Variants in CCNE1 observed in about 807,000 individuals in gnomAD.
The protein encoded by CCNE1 is G1/S-specific cyclin-E1.
In CCNE1, 8 loss-of-function variants were observed where a neutral mutation model predicts 54.1. The observed-to-expected ratio is 0.15, with a 90% CI of 0.09 to 0.27. The LOEUF (loss-of-function observed/expected upper bound fraction) is 0.27, where lower values mean the gene tolerates loss of function less well. Ranked by LOEUF, CCNE1 falls within the 10% of genes least tolerant of loss-of-function variation. The pLI is 1.00. For missense variants in CCNE1, 430 were observed against 514.9 expected, an observed-to-expected ratio of 0.84 and a Z score of 1.60; for synonymous variants, 179 against 185.2, an observed-to-expected ratio of 0.97 and a Z score of 0.27.
rs761454024 is a variant in CCNE1, at chr19:29,817,178, G to A, written c.222G>A (p.Leu74=). 5 of 1,614,072 alleles carry A rather than the reference G, an allele frequency of 3.1e-6. No individual in the cohort carries two copies. The East Asian group carries it at 8.9e-5, about 29-fold the overall frequency. Residue 74 remains leucine (L), a synonymous_variant, in exon 5 of 12, where the codon CTG becomes CTA. Coordinates refer to ENST00000262643, the MANE Select transcript of CCNE1 (RefSeq NM_001238.4). ...NNAVCADPCS[L]IPTPDKEDDD... The stretch of plus-strand genomic sequence containing the variant: ...CAGTCTGTGCAGACCCCTGCTCCCT[G>A]ATCCCCACACCTGACAAAGAAGATG...
intron 5 of CCNE1, 36 bp from the exon 6 acceptor site, chr19:29,817,370 T>C: frequency 6.2e-7 from 1 of 1,613,786 alleles, no homozygotes; most frequent in Non-Finnish European, 8.5e-7. Flanking sequence ...TCTTACCCCT[T>C]TGTGGGCCTC....
intron 3 of CCNE1, 70 bp downstream of exon 3, chr19:29,812,846 T>G: frequency 6.3e-7 from 1 of 1,582,286 alleles, no homozygotes; most frequent in Non-Finnish European, 8.6e-7. Context: ...TGGCTCTGCC[T>G]ACGGGGGCGG....
At chr19:29,822,900 C>T (rs775372998) in intron 11 of CCNE1, among the ~76,000 whole-genome samples, 11 of 151,530 alleles carry the variant, frequency 7.3e-5, no homozygotes, top group Non-Finnish European at 1.6e-4. Context: ...GTTGAGATCA[C>T]GCCACTGCAC....
intron 11 of CCNE1, among the ~76,000 whole-genome samples, chr19:29,822,988 G>C (rs1382683338): frequency 2.0e-5 from 3 of 151,620 alleles, no homozygotes; most frequent in Non-Finnish European, 4.4e-5. Context: ...TTTTCTTCAG[G>C]CAGGCCCCAA....
rs2145729236 is a variant in CCNE1 at position 29,822,275 on chromosome 19, T to C, written c.876T>C (p.Leu292=). The C allele has an allele frequency of 6.2e-7, 1 of 1,614,134 alleles. No individual in the cohort carries two copies. Among genetic ancestry groups the C allele is most frequent in the Non-Finnish European group, 8.5e-7 (1 of 1,180,018 alleles). The change falls in exon 10 of 12, where the codon CTT becomes CTC. Residue 292 remains leucine, a synonymous_variant. Coordinates refer to ENST00000262643, the MANE Select transcript of CCNE1 (RefSeq NM_001238.4). ...TCTGTGTCCTGGATGTTGACTGCCT[T>C]GAATTTCCTTATGGTATACTTGCTG... ...LDLCVLDVDC[L]EFPYGILAAS...
In CCNE1 at chr19:29,818,924, G is replaced by A. The variant is rs985008232; in HGVS notation, c.462+1383G>A. 4.6e-5 allele frequency among the ~76,000 whole-genome samples: 7 copies of A among 152,154 alleles called. No individual in the cohort carries two copies. In the East Asian group the frequency reaches 9.7e-4, roughly 21 times the overall value. On this transcript the variant is annotated intron_variant, in intron 6 of 11. Transcript: ENST00000262643. ...ATTACAGGCATACGCCACCACGCCC[G>A]GCTAATTTTGTATTTTTAGTAGAGA...
chr19:29,812,856 G>A (rs1973927241), intron 3 of CCNE1, 80 bp downstream of exon 3: 1 of 1,582,068 alleles, frequency 6.3e-7, no homozygotes. Flanking sequence ...TACGGGGGCG[G>A]GGGTCCCTTG....
Position 29,812,117 on chromosome 19 carries a change from G to T in CCNE1, c.-60G>T. The T allele has an allele frequency of 6.7e-6, 1 of 148,958 alleles. No homozygotes were observed. The highest frequency in any genetic ancestry group is 1.8e-4 in the South Asian group (1 of 5,612). 9.2% of individuals were successfully genotyped at this position (148,958 alleles called of 1,614,324 possible). On this transcript the variant is annotated 5_prime_UTR_variant, in exon 1 of 12. Coordinates refer to ENST00000262643, the MANE Select transcript of CCNE1 (RefSeq NM_001238.4). Reference sequence around the variant, plus strand: ...TGCCGTCGCCGCCGCCGCCTGCCGGGACTGGAGCGCGCCGTCCGCCGCGGA... The same window carrying T: ...TGCCGTCGCCGCCGCCGCCTGCCGGTACTGGAGCGCGCCGTCCGCCGCGGA...
intron 6 of CCNE1, 50 bp from the exon 7 acceptor site, chr19:29,820,649 CCCT>C (rs769894003): frequency 1.3e-4 from 165 of 1,269,752 alleles, no homozygotes; most frequent in Non-Finnish European, 1.6e-4. Flanking sequence ...TTTTTTTTTC[CCCT>C]CCCTCAAGTA....
intron 1 of CCNE1, 80 bp from the exon 2 acceptor site, chr19:29,812,452 G>C: frequency 9.7e-7 from 1 of 1,030,802 alleles, no homozygotes; most frequent in South Asian, 4.8e-5. Context: ...GGCTCGCCCG[G>C]CCGCCCGCGC....
chr19:29,819,200 C>T (rs898897197), intron 6 of CCNE1, among the ~76,000 whole-genome samples: 8 of 151,962 alleles, frequency 5.3e-5, no homozygotes, highest in African/African-American at 7.2e-5. Context: ...GCTGTGATAG[C>T]GCCACTGCAC....
At chr19:29,820,432 T>G (rs1014767061) in intron 6 of CCNE1, among the ~76,000 whole-genome samples, 4 of 152,112 alleles carry the variant, frequency 2.6e-5, no homozygotes, top group African/African-American at 2.4e-5. Context: ...GTGCTGGTAA[T>G]TCCAGCTACT....
rs1568368859 is a variant in CCNE1, at chr19:29,817,443, A to C, written c.364A>C (p.Asn122His). 3 of 1,614,184 alleles carry C rather than the reference A, an allele frequency of 1.9e-6. No individual in the cohort carries two copies. In the East Asian group the frequency reaches 6.7e-5, roughly 36 times the overall value. Reference sequence around the variant, plus strand: ...AGAGGAAGTCTGGAAAATCATGTTAAACAAGGAAAAGACATACTTAAGGGA... The same window carrying C: ...AGAGGAAGTCTGGAAAATCATGTTACACAAGGAAAAGACATACTTAAGGGA... ...NREEVWKIMLNKEKTYLRDQH... is the reference protein window; with the variant it reads ...NREEVWKIMLHKEKTYLRDQH... The change falls in exon 6 of 12, where the codon AAC (asparagine) becomes CAC (histidine). Residue 122 changes from asparagine (N) to histidine (H), a missense_variant. Physicochemically the swap from Asn to His is moderately conservative, Grantham distance 68. This residue lies in a region of CCNE1 where 303 missense variants were observed against 401.1 expected (regional missense o/e 0.76). Transcript: ENST00000262643.
chr19:29,817,269 C>A lies in CCNE1; in HGVS notation c.313C>A (p.Leu105Met), dbSNP rs771807268. The A allele has an allele frequency of 1.2e-6, 2 of 1,614,216 alleles. No individual in the cohort carries two copies. Among genetic ancestry groups the A allele is most frequent in the African/African-American group, 2.7e-5 (2 of 75,058 alleles). Residue 105 changes from leucine (L) to methionine (M), a missense_variant, in exon 5 of 12, where the codon CTG (leucine) becomes ATG (methionine). By Grantham distance (15) the Leu-to-Met change is conservative. Around this residue, in one of 2 missense-constraint regions of CCNE1, gnomAD observed 303 missense variants for 401.1 expected, o/e 0.76. Transcript: ENST00000262643. ...RIIAPSRGSP[L>M]PVLSWANREE... ...TATTGCACCATCCAGAGGCTCCCCGCTGCCTGTACTGAGGTCAGTGCCGAC... is the reference window on the plus strand; with the variant it reads ...TATTGCACCATCCAGAGGCTCCCCGATGCCTGTACTGAGGTCAGTGCCGAC...
intron 6 of CCNE1, 55 bp from the exon 7 acceptor site, chr19:29,820,647 T>TTC (rs1555725742): frequency 7.9e-7 from 1 of 1,265,622 alleles, no homozygotes; most frequent in Non-Finnish European, 1.1e-6. Context: ...TTTTTTTTTT[T>TTC]CCCCTCCCTC....
intron 4 of CCNE1, chr19:29,813,331 G>A: frequency 2.6e-6 from 1 of 382,532 alleles, no homozygotes; most frequent in Non-Finnish European, 4.8e-6. Flanking sequence ...CTTCTGCCCA[G>A]GAGGAAACTG....
rs576282928 is a variant in CCNE1 at position 29,817,391 on chromosome 19, T to C, written c.327-15T>C. The C allele has an allele frequency of 4.3e-6, 7 of 1,613,908 alleles. No individual in the cohort carries two copies. Among genetic ancestry groups the C allele is most frequent in the East Asian group, 2.2e-5 (1 of 44,904 alleles). On this transcript the variant is annotated splice_polypyrimidine_tract_variant and intron_variant, in intron 5 of 11. Coordinates refer to ENST00000262643, the MANE Select transcript of CCNE1 (RefSeq NM_001238.4). ...CCCTTTGTGGGCCTCATTTTTGTTG[T>C]GTGTTTTGTTGTAGCTGGGCAAATA...
At chr19:29,822,938 T>C (rs1974186673) in intron 11 of CCNE1, among the ~76,000 whole-genome samples, 1 of 129,674 alleles carries the variant, frequency 7.7e-6, no homozygotes, top group African/African-American at 3.2e-5. Flanking sequence ...AGCGAAACTA[T>C]GTCTCAAAAA....
At position 29,812,768 on chromosome 19, in the gene CCNE1, G is replaced by A. The variant is rs369751087; in HGVS notation, c.103G>A (p.Val35Met). ...SARSRKRKAN[V>M]TVFLQDPDEE... ...TCGCTCCAGGAAGAGGAAGGCAAAC[G>A]TGACCGTTGTGAGTACAAAAGAGAC... The change falls in exon 3 of 12, where the codon GTG (valine) becomes ATG (methionine). Residue 35 changes from valine to methionine, a missense_variant. By Grantham distance (21) the Val-to-Met change is conservative. Transcript: ENST00000262643. The A allele has an allele frequency of 1.4e-5, 23 of 1,590,772 alleles. No individual in the cohort carries two copies. The highest frequency in any genetic ancestry group is 8.0e-5 in the South Asian group (7 of 87,394).
Sources: allele counts gnomAD v4.1 joint callset (sites outside exome capture counted in the v4.1 genomes callset), GRCh38; gene constraint gnomAD v4.1.1; regional missense constraint gnomAD v4.1.1; transcripts MANE v1.5; gene names NCBI Gene and HGNC (gene_info 2026-07-23, HGNC 2026-07-21).